Variants in THBS3 observed in about 807,000 individuals in gnomAD.
THBS3 encodes thrombospondin 3.
In THBS3, 78 loss-of-function variants were observed where a neutral mutation model predicts 118.3. The ratio of observed to expected loss-of-function variants is 0.66; its 90% CI spans 0.55 to 0.80. The LOEUF (loss-of-function observed/expected upper bound fraction) is 0.80. Ranked by LOEUF, THBS3 falls within the 30% of genes least tolerant of loss-of-function variation. The pLI is 0.00. For missense variants in THBS3, 1,057 were observed against 1,247.4 expected (o/e 0.85, Z 2.30); for synonymous variants, 427 against 475.3 (o/e 0.90, Z 1.32).
At chr1:155,209,152 C>T (rs776162502), upstream of THBS3, 11 of 1,517,306 alleles carry the variant, frequency 7.2e-6, no homozygotes, top group South Asian at 9.8e-5. Context: ...CCCCAGGCCC[C>T]CTGACCGCAA....
chr1:155,200,883 A>G lies in THBS3; in HGVS notation c.1548+14T>C, dbSNP rs377558906. ...GGAGAGGAGCTTCAAGGGGCAGGGC[A>G]GTCTGGGAGTCACCTCAACATTCTT... is the stretch of plus-strand genomic sequence containing the variant. On this transcript the variant is annotated intron_variant, in intron 13 of 22. Transcript: ENST00000368378. The G allele has an allele frequency of 1.0e-4, 161 of 1,613,988 alleles. No individual in the cohort carries two copies. The highest frequency in any genetic ancestry group is 1.3e-4 in the Non-Finnish European group (158 of 1,180,016).
Position 155,206,693 on chromosome 1 carries a change from C to G in THBS3, c.80-287G>C, listed in dbSNP as rs529746027. ...ACAACAAAAAAGAAAAAAAAACCAC[C>G]TAGCCGGGCGTGGTGGCGGGCACCT... On this transcript the variant is annotated intron_variant, in intron 1 of 22. Transcript: ENST00000368378. The surrounding 1 kb of genome is among the most constrained non-coding windows in gnomAD (Gnocchi z 4.2). Among the ~76,000 whole-genome samples the G allele has an allele frequency of 1.8e-3, 267 of 152,024 alleles. No individual in the cohort carries two copies. The highest frequency in any genetic ancestry group is 3.0e-3 in the Non-Finnish European group (204 of 67,938).
At chr1:155,199,403 C>T (rs1362913362) in intron 16 of THBS3, among the ~76,000 whole-genome samples, 1 of 120,416 alleles carries the variant, frequency 8.3e-6, no homozygotes, top group African/African-American at 3.4e-5. Context: ...GAGCAAGACT[C>T]CGTCTCAAAA....
chr1:155,200,353 C>T, intron 14 of THBS3, 98 bp downstream of exon 14: 10 of 1,476,376 alleles, frequency 6.8e-6, no homozygotes, highest in Non-Finnish European at 9.2e-6. Flanking sequence ...AAGCCTGCCT[C>T]CCTATTTCAC....
chr1:155,205,386 ACT>A, intron 2 of THBS3, 70 bp from the exon 3 acceptor site: 1 of 1,571,218 alleles, frequency 6.4e-7, no homozygotes, highest in Non-Finnish European at 8.7e-7. Flanking sequence ...CCTTGGATCA[ACT>A]CTGCTAGATA....
chr1:155,208,681 T>A (rs1670884933), upstream of THBS3: 1 of 1,081,016 alleles, frequency 9.3e-7, no homozygotes, highest in Admixed American at 3.0e-5. Context: ...TGCGAGCCTC[T>A]CTTCCCCTCC....
chr1:155,205,039 CAG>C lies in THBS3; in HGVS notation c.543+19_543+20del. ...GTGCAAACTCTATTTCCACAGAACTCAGAGGCTCCTCCCGGCTCACCTGCATC... is the reference window on the plus strand; with the variant it reads ...GTGCAAACTCTATTTCCACAGAACTCAGGCTCCTCCCGGCTCACCTGCATC... On this transcript the variant is annotated intron_variant, in intron 3 of 22. Transcript: ENST00000368378. 3 of 1,612,964 alleles carry C rather than the reference CAG, an allele frequency of 1.9e-6. No individual in the cohort carries two copies. The highest frequency in any genetic ancestry group is 1.7e-6 in the Non-Finnish European group (2 of 1,179,212).
At chr1:155,196,467 C>A in intron 21 of THBS3, 1 of 318,124 alleles carries the variant, frequency 3.1e-6, no homozygotes. Context: ...TGTCCTGGCA[C>A]CCCACAGCCC....
chr1:155,198,348 T>C, intron 17 of THBS3, 61 bp downstream of exon 17: 1 of 1,591,240 alleles, frequency 6.3e-7, no homozygotes, highest in Admixed American at 1.7e-5. Context: ...CAACAGGGCT[T>C]GCTGCCTCCA....
At chr1:155,205,345 G>T (rs372881824) in intron 2 of THBS3, 29 bp from the exon 3 acceptor site, 91 of 1,600,902 alleles carry the variant, frequency 5.7e-5, no homozygotes, top group Non-Finnish European at 7.6e-5. Context: ...CAGTATGGGC[G>T]CTATCCCCCA....
chr1:155,207,752 T>G, intron 1 of THBS3, 46 bp downstream of exon 1: 1 of 1,593,940 alleles, frequency 6.3e-7, no homozygotes. Flanking sequence ...TGAGGGCAAA[T>G]GGGGAAGAAG....
rs189316237 is a variant in THBS3 at position 155,205,790 on chromosome 1, G to T, written c.286+410C>A. On this transcript the variant is annotated intron_variant, in intron 2 of 22. Transcript: ENST00000368378. The stretch of plus-strand genomic sequence containing the variant: ...AAGACTCCATTTAAAAAAATAATTG[G>T]TTTAGAGACAAATACTTTCTTAGTC... 3.3e-4 allele frequency among the ~76,000 whole-genome samples: 50 copies of T among 152,220 alleles called. 1 individual carries two copies. The East Asian group carries it at 6.7e-3, about 21-fold the overall frequency.
intron 4 of THBS3, among the ~76,000 whole-genome samples, chr1:155,204,632 G>T (rs146599030): frequency 1.3e-5 from 2 of 152,140 alleles, no homozygotes; most frequent in East Asian, 3.9e-4. Flanking sequence ...GTCAGCCAAG[G>T]CCAAGCAATT....
At position 155,195,870 on chromosome 1, in the gene THBS3, G is replaced by C. The variant is rs778704348; in HGVS notation, c.2842C>G (p.Arg948Gly). The C allele has an allele frequency of 6.2e-7, 1 of 1,614,048 alleles. No individual in the cohort carries two copies. The highest frequency in any genetic ancestry group is 8.5e-7 in the Non-Finnish European group (1 of 1,179,994). Residue 948 changes from arginine to glycine, a missense_variant, in exon 23 of 23, where the codon CGG (arginine) becomes GGG (glycine). Coordinates refer to ENST00000368378, the MANE Select transcript of THBS3 (RefSeq NM_007112.5). ...DTVPEDFEPFRRQLLQGRV is the reference protein window; with the variant it reads ...DTVPEDFEPFGRQLLQGRV Reference sequence around the variant, plus strand: ...ACCCTTCCCTGGAGCAGCTGCCTCCGGAATGGCTCAAAGTCCTCAGGCACT... The same window carrying C: ...ACCCTTCCCTGGAGCAGCTGCCTCCCGAATGGCTCAAAGTCCTCAGGCACT...
Position 155,199,997 on chromosome 1 carries a change from G to A in THBS3, c.1825C>T (p.Gln609Ter). The A allele has an allele frequency of 6.3e-7, 1 of 1,598,946 alleles. No homozygotes were observed. The highest frequency in any genetic ancestry group is 8.5e-7 in the Non-Finnish European group (1 of 1,171,642). Reference sequence around the variant, plus strand: ...CTGTCCTTACCATCTCCCTGTACCTGGGTAGGATTGCTCATTTCAGGGCAG... The same window carrying A: ...CTGTCCTTACCATCTCCCTGTACCTAGGTAGGATTGCTCATTTCAGGGCAG... ...DSCPEMSNPT[Q>*]TDADSDLVGD... is the part of the protein sequence containing the mutation. The change falls in exon 15 of 23, where the codon CAG (glutamine) becomes TAG (stop). Residue 609 changes from glutamine (Q) to a stop codon, truncating the protein, a stop_gained and splice_region_variant. Transcript: ENST00000368378. LOFTEE classifies it high-confidence loss of function.
In THBS3 at chr1:155,200,116, A is replaced by G. The variant is rs114817210; in HGVS notation, c.1709-3T>C. The G allele has an allele frequency of 4.3e-4, 672 of 1,549,794 alleles. 4 individuals carry two copies. The African/African-American group carries it at 7.7e-3, about 18-fold the overall frequency. On this transcript the variant is annotated splice_polypyrimidine_tract_variant and splice_region_variant and intron_variant, in intron 14 of 22. Transcript: ENST00000368378. ...ATTGTCCAATCCATTGGGGATGCCT[A>G]GAAGACATGGGTAGCACAAGGTTGT...
Position 155,199,918 on chromosome 1 carries a change from C to A in THBS3, c.1828-62G>T, listed in dbSNP as rs922992523. The A allele has an allele frequency of 2.5e-6, 4 of 1,612,608 alleles. No individual in the cohort carries two copies. In the East Asian group the frequency reaches 8.9e-5, roughly 36 times the overall value. On this transcript the variant is annotated intron_variant, in intron 15 of 22. Coordinates refer to ENST00000368378, the MANE Select transcript of THBS3 (RefSeq NM_007112.5). The stretch of plus-strand genomic sequence containing the variant: ...GATAACTCTGAAGAGGGTGATCTGA[C>A]CACTTTCCATCCAAAGGGCTGGGGC...
In THBS3 at chr1:155,201,151, G is replaced by C. The variant is rs148689308; in HGVS notation, c.1383C>G (p.Ile461Met). 5 of 1,614,016 alleles carry C rather than the reference G, an allele frequency of 3.1e-6. No individual in the cohort carries two copies. Among genetic ancestry groups the C allele is most frequent in the East Asian group, 2.2e-5 (1 of 44,898 alleles). ...NGNVCGTDTD[I>M]DGYPDQALPC... ...GCAGTGCTTGGTCTGGGTAGCCATC[G>C]ATGTCTGTGTCAGTCCCACACACGT... Residue 461 changes from isoleucine to methionine, a missense_variant, in exon 12 of 23, where the codon ATC becomes ATG. This residue lies in a region of THBS3 where 544 missense variants were observed against 715.6 expected (regional missense o/e 0.76). Transcript: ENST00000368378.
At chr1:155,200,330 G>A in intron 14 of THBS3, 121 bp downstream of exon 14, 3 of 1,335,560 alleles carry the variant, frequency 2.2e-6, no homozygotes, top group Non-Finnish European at 3.1e-6. Flanking sequence ...TCCTCACCCA[G>A]GCCAACGTCC....
Sources: allele counts gnomAD v4.1 joint callset (sites outside exome capture counted in the v4.1 genomes callset), GRCh38; gene constraint gnomAD v4.1.1; regional missense constraint gnomAD v4.1.1; non-coding constraint Gnocchi (gnomAD v3.1); transcripts MANE v1.5; gene names NCBI Gene and HGNC (gene_info 2026-07-23, HGNC 2026-07-21).